Variants in WLS observed in about 807,000 individuals in gnomAD.
WLS encodes the protein Wnt ligand secretion mediator, also known as protein wntless homolog.
In WLS, 23 loss-of-function variants were observed where a neutral mutation model predicts 62.8. The observed-to-expected ratio is 0.37, with a 90% CI of 0.26 to 0.52. WLS has a LOEUF of 0.52. Ranked by LOEUF, WLS falls within the 20% of genes least tolerant of loss-of-function variation. The pLI is 0.92. For missense variants in WLS, 615 were observed against 697.3 expected, an observed-to-expected ratio of 0.88 and a Z score of 1.33; for synonymous variants, 246 against 244.1, an observed-to-expected ratio of 1.01 and a Z score of -0.07.
intron 11 of WLS, among the ~76,000 whole-genome samples, chr1:68,106,499 A>G (rs1233224391): frequency 1.3e-5 from 2 of 152,234 alleles, no homozygotes; most frequent in African/African-American, 4.8e-5. Flanking sequence ...GGAGCCCCAC[A>G]GAGCAACAGC....
chr1:68,191,533 G>A lies in WLS; in HGVS notation c.379+2422C>T, dbSNP rs577270406. Among the ~76,000 whole-genome samples, 4 of 152,164 alleles carry A rather than the reference G, an allele frequency of 2.6e-5. No individual in the cohort carries two copies. In the East Asian group the frequency reaches 7.7e-4, roughly 29 times the overall value. ...ATAACATGTTTTTTCTTATTTGTAG[G>A]TTTAAGTGTCTGTTTTCCAGGCACC... On this transcript the variant is annotated intron_variant, in intron 2 of 11. Transcript: ENST00000262348.
intron 11 of WLS, among the ~76,000 whole-genome samples, chr1:68,135,964 C>A (rs1368416980): frequency 6.6e-6 from 1 of 152,162 alleles, no homozygotes; most frequent in African/African-American, 2.4e-5. Context: ...CAAAGTTGGG[C>A]AGGGGGTAGG....
intron 11 of WLS, among the ~76,000 whole-genome samples, chr1:68,135,329 T>C (rs1646592397): frequency 7.0e-6 from 1 of 142,352 alleles, no homozygotes; most frequent in Non-Finnish European, 1.5e-5. Flanking sequence ...TTTTTTTTTT[T>C]TGTAGAGATG....
In WLS at chr1:68,194,110, C is replaced by A; in HGVS notation, c.224G>T (p.Arg75Leu). 1 of 1,614,128 alleles carries A rather than the reference C, an allele frequency of 6.2e-7. No individual in the cohort carries two copies. The highest frequency in any genetic ancestry group is 8.5e-7 in the Non-Finnish European group (1 of 1,180,030). The change falls in exon 2 of 12, where the codon CGA (arginine) becomes CTA (leucine). Residue 75 changes from arginine (R) to leucine (L), a missense_variant. Transcript: ENST00000262348. ...PWGPNHCDKI[R>L]DIEEAIPREI... ...CCTTGGAATTGCCTCTTCAATGTCTCGGATCTTGTCACAATGATTGGGTCC... is the reference window on the plus strand; with the variant it reads ...CCTTGGAATTGCCTCTTCAATGTCTAGGATCTTGTCACAATGATTGGGTCC...
At chr1:68,177,138 G>A (rs375902953) in intron 2 of WLS, among the ~76,000 whole-genome samples, 11 of 152,160 alleles carry the variant, frequency 7.2e-5, no homozygotes, top group African/African-American at 1.9e-4. Flanking sequence ...TTCTCCTAAG[G>A]ATGCTAAGAA....
exon 12 of WLS, chr1:68,098,562 T>C (rs1038532146): frequency 1.3e-6 from 2 of 1,592,024 alleles, no homozygotes; most frequent in Non-Finnish European, 1.7e-6. Flanking sequence ...TGTGTGCGTA[T>C]ACAAGTACAA....
chr1:68,109,477 AT>A (rs1402191646), intron 11 of WLS, among the ~76,000 whole-genome samples: 1 of 152,272 alleles, frequency 6.6e-6, no homozygotes, highest in Non-Finnish European at 1.5e-5. Context: ...GAATGAGAAT[AT>A]TTGAAATGTA....
intron 1 of WLS, among the ~76,000 whole-genome samples, chr1:68,214,088 A>G (rs1377452992): frequency 6.6e-6 from 1 of 151,998 alleles, no homozygotes; most frequent in African/African-American, 2.4e-5. Flanking sequence ...CCGTGTTGCA[A>G]TGAGCTTTGC....
intron 9 of WLS, among the ~76,000 whole-genome samples, chr1:68,144,890 G>A (rs1646733270): frequency 6.6e-6 from 1 of 152,150 alleles, no homozygotes; most frequent in Non-Finnish European, 1.5e-5. Flanking sequence ...GAGAGCCTGG[G>A]AAATTATATT....
intron 2 of WLS, among the ~76,000 whole-genome samples, chr1:68,178,374 A>G (rs944564746): frequency 6.6e-6 from 1 of 152,202 alleles, no homozygotes; most frequent in Non-Finnish European, 1.5e-5. Context: ...TAAGGATATA[A>G]CAATGAACAA....
chr1:68,183,302 G>T (rs1647698289), intron 2 of WLS, among the ~76,000 whole-genome samples: 1 of 152,166 alleles, frequency 6.6e-6, no homozygotes. Context: ...AGGGGTGGGA[G>T]AGTAGAGTTA....
At chr1:68,131,646 T>C (rs1036354555) in intron 11 of WLS, among the ~76,000 whole-genome samples, 35 of 152,036 alleles carry the variant, frequency 2.3e-4, no homozygotes, top group Non-Finnish European at 4.1e-4. Context: ...ACTTATTAGT[T>C]TGGGGGTAAA....
At chr1:68,143,112 A>G (rs1488895241) in intron 10 of WLS, among the ~76,000 whole-genome samples, 1 of 152,116 alleles carries the variant, frequency 6.6e-6, no homozygotes, top group African/African-American at 2.4e-5. Flanking sequence ...GAAGTATTTT[A>G]TTTTACTTAT....
At chr1:68,112,381 GT>G (rs1646238961) in intron 11 of WLS, among the ~76,000 whole-genome samples, 2 of 152,318 alleles carry the variant, frequency 1.3e-5, no homozygotes, top group East Asian at 3.9e-4. Context: ...AAAGCAAAAT[GT>G]GTGGGTCCCA....
At chr1:68,204,356 G>C (rs908968669) in intron 1 of WLS, among the ~76,000 whole-genome samples, 1 of 151,806 alleles carries the variant, frequency 6.6e-6, no homozygotes, top group African/African-American at 2.4e-5. Context: ...GTCTCGCTCT[G>C]TCGTCCAGGC....
intron 2 of WLS, among the ~76,000 whole-genome samples, chr1:68,188,689 G>T (rs1221679050): frequency 1.3e-5 from 2 of 152,230 alleles, no homozygotes; most frequent in Non-Finnish European, 2.9e-5. Flanking sequence ...TTTGTGAGAA[G>T]AGGAATCACA....
Position 68,193,983 on chromosome 1 carries a change from G to A in WLS, c.351C>T (p.Asp117=). The A allele has an allele frequency of 1.9e-6, 3 of 1,614,132 alleles. No individual in the cohort carries two copies. The highest frequency in any genetic ancestry group is 1.3e-5 in the African/African-American group (1 of 75,042). Residue 117 remains aspartate (D), a synonymous_variant, in exon 2 of 12, where the codon GAC becomes GAT. Coordinates refer to ENST00000262348, the MANE Select transcript of WLS (RefSeq NM_024911.7). ...TTTGGTTGTTTAGCTTGAAGGCAAT[G>A]TCCAGCTGCAGGATAAACAGCATGA... The part of the protein sequence containing the change: ...FQFMLFILQL[D]IAFKLNNQIR...
intron 2 of WLS, among the ~76,000 whole-genome samples, chr1:68,187,119 A>G (rs891180146): frequency 2.0e-5 from 3 of 148,786 alleles, no homozygotes; most frequent in Non-Finnish European, 4.4e-5. Context: ...AGGCTGAGGC[A>G]GGAGAATGGC....
chr1:68,226,331 GT>G (rs1650140339), intron 1 of WLS, among the ~76,000 whole-genome samples: 1 of 152,060 alleles, frequency 6.6e-6, no homozygotes, highest in African/African-American at 2.4e-5. Context: ...ATCTTGTGCA[GT>G]TTTACTAGAT....
Sources: allele counts gnomAD v4.1 joint callset (sites outside exome capture counted in the v4.1 genomes callset), GRCh38; gene constraint gnomAD v4.1.1; transcripts MANE v1.5; gene names NCBI Gene and HGNC (gene_info 2026-07-23, HGNC 2026-07-21).